Variants in AKAP7 observed in about 807,000 individuals in gnomAD.
AKAP7 encodes the protein A kinase (PRKA) anchor protein 7.
Under a neutral mutation model 39.5 loss-of-function variants are expected in AKAP7, and 39 were observed. The observed-to-expected ratio is 0.99, with a 90% CI of 0.76 to 1.29. The LOEUF is 1.29. AKAP7 is among the 50% of genes most tolerant of loss of function. AKAP7 has a pLI of 0.00. For synonymous variants in AKAP7, 140 were observed against 139.1 expected (o/e 1.01, Z -0.05); for missense variants, 414 against 407.7 (o/e 1.02, Z -0.13).
intron 7 of AKAP7, 101 bp downstream of exon 7, chr6:131,219,909 CAAT>C (rs1809555043): frequency 3.9e-6 from 3 of 770,876 alleles, no homozygotes; most frequent in African/African-American, 3.7e-5. Flanking sequence ...ACGTTTTTCT[CAAT>C]GATATACTTT....
At chr6:131,166,657 A>G (rs1213799954) in intron 4 of AKAP7, among the ~76,000 whole-genome samples, 1 of 151,942 alleles carries the variant, frequency 6.6e-6, no homozygotes, top group Non-Finnish European at 1.5e-5. Flanking sequence ...GTTTGGGTCC[A>G]CCCCTATTCT....
At chr6:131,275,827 C>T (rs927811813) in intron 7 of AKAP7, among the ~76,000 whole-genome samples, 6 of 152,176 alleles carry the variant, frequency 3.9e-5, no homozygotes, top group African/African-American at 1.2e-4. Flanking sequence ...ATTCCAAATG[C>T]GCCAGCACTT....
At chr6:131,158,250 A>AGGGATTC (rs1425203299) in intron 2 of AKAP7, among the ~76,000 whole-genome samples, 2 of 152,228 alleles carry the variant, frequency 1.3e-5, no homozygotes, top group Non-Finnish European at 2.9e-5. Flanking sequence ...GTGTAAAATA[A>AGGGATTC]GGGATTCAGT....
At chr6:131,160,531 G>A (rs551543707) in intron 3 of AKAP7, among the ~76,000 whole-genome samples, 2 of 152,214 alleles carry the variant, frequency 1.3e-5, no homozygotes, top group South Asian at 2.1e-4. Flanking sequence ...ATATTTAAAC[G>A]GTAATTTTGC....
intron 6 of AKAP7, among the ~76,000 whole-genome samples, chr6:131,208,261 C>A (rs1168032260): frequency 6.6e-6 from 1 of 152,032 alleles, no homozygotes; most frequent in South Asian, 2.1e-4. Flanking sequence ...TGAAAAAAAA[C>A]AAGTTTACAA....
In AKAP7 at chr6:131,184,315, G is replaced by GA. The variant is rs1050640724; in HGVS notation, c.589+15042_589+15043insA. 9 of 616,956 alleles carry GA rather than the reference G, an allele frequency of 1.5e-5. No homozygotes were observed. In the African/African-American group the frequency reaches 1.5e-4, roughly 10 times the overall value. 38.2% of individuals were successfully genotyped at this position (616,956 alleles called of 1,614,324 possible). A position where few individuals can be genotyped will look rare whatever the true frequency, so the allele number is the denominator to read the frequency against. ...CCTTAGATATGTCGGGGAGCAGGGG[G>GA]GTGGCTATATCAAGAGGAGTTCTTG... On this transcript the variant is annotated intron_variant, in intron 5 of 7. Transcript: ENST00000431975.
chr6:131,192,552 T>C (rs2128274065), intron 5 of AKAP7, among the ~76,000 whole-genome samples: 1 of 152,242 alleles, frequency 6.6e-6, no homozygotes, highest in South Asian at 2.1e-4. Context: ...CTCAGGATAA[T>C]TTTGGCTGTT....
intron 2 of AKAP7, among the ~76,000 whole-genome samples, chr6:131,149,615 A>T (rs147523362): frequency 0.049 from 7,538 of 152,334 alleles, 281 homozygotes; most frequent in Non-Finnish European, 0.074. Context: ...AGCCTGGGCA[A>T]CACAGCCAGA....
chr6:131,245,077 C>A (rs985639107), intron 7 of AKAP7, among the ~76,000 whole-genome samples: 1 of 152,192 alleles, frequency 6.6e-6, no homozygotes, highest in African/African-American at 2.4e-5. Context: ...CAGGACTTAA[C>A]CAGTGAGATT....
chr6:131,190,146 T>C (rs985387569), intron 5 of AKAP7, among the ~76,000 whole-genome samples: 11 of 152,202 alleles, frequency 7.2e-5, no homozygotes, highest in African/African-American at 2.7e-4. Flanking sequence ...GAAGTACTTT[T>C]CAAAAAGAAG....
chr6:131,183,583 GAA>G (rs999811598), intron 5 of AKAP7, among the ~76,000 whole-genome samples: 5 of 152,256 alleles, frequency 3.3e-5, no homozygotes, highest in African/African-American at 1.2e-4. Context: ...AAATGAATAA[GAA>G]GAGAGGTAGA....
At chr6:131,216,733 C>T (rs1809215834) in intron 6 of AKAP7, among the ~76,000 whole-genome samples, 1 of 152,142 alleles carries the variant, frequency 6.6e-6, no homozygotes, top group Non-Finnish European at 1.5e-5. Flanking sequence ...CTCCTATTTT[C>T]TCTTCTAATG....
chr6:131,183,440 A>T (rs1176533715), intron 5 of AKAP7, among the ~76,000 whole-genome samples: 2 of 152,220 alleles, frequency 1.3e-5, no homozygotes, highest in Admixed American at 1.3e-4. Flanking sequence ...GCCCAGGTCC[A>T]GGAAGAACAA....
chr6:131,264,099 T>A (rs1383350946), intron 7 of AKAP7, among the ~76,000 whole-genome samples: 1 of 152,166 alleles, frequency 6.6e-6, no homozygotes, highest in Non-Finnish European at 1.5e-5. Context: ...TCCAGTCTTT[T>A]GGGGATTTAA....
At chr6:131,227,226 C>T (rs367828614) in intron 7 of AKAP7, among the ~76,000 whole-genome samples, 1 of 152,102 alleles carries the variant, frequency 6.6e-6, no homozygotes, top group Non-Finnish European at 1.5e-5. Context: ...TGGCAAAGAC[C>T]ACAATTACTT....
intron 6 of AKAP7, among the ~76,000 whole-genome samples, chr6:131,202,124 G>C (rs1807628723): frequency 6.6e-6 from 1 of 151,254 alleles, no homozygotes; most frequent in African/African-American, 2.4e-5. Context: ...GTGCTGGAGA[G>C]GATGTGGAGA....
chr6:131,239,935 T>C, intron 7 of AKAP7, among the ~76,000 whole-genome samples: 1 of 152,198 alleles, frequency 6.6e-6, no homozygotes, highest in African/African-American at 2.4e-5. Context: ...TCCAGCTTTG[T>C]TCCGTTGCTG....
chr6:131,222,458 C>T (rs907181732), intron 7 of AKAP7, among the ~76,000 whole-genome samples: 1 of 149,590 alleles, frequency 6.7e-6, no homozygotes, highest in Non-Finnish European at 1.5e-5. Flanking sequence ...ATCCAGGAGG[C>T]GGAGCTTGCA....
chr6:131,127,132 G>A, the AKAP7 span, among the ~76,000 whole-genome samples: 1 of 151,794 alleles, frequency 6.6e-6, no homozygotes, highest in Non-Finnish European at 1.5e-5. Context: ...TGTAACCTCT[G>A]CCTCCTGGAT....
Sources: allele counts gnomAD v4.1 joint callset (sites outside exome capture counted in the v4.1 genomes callset), GRCh38; gene constraint gnomAD v4.1.1; transcripts MANE v1.5; gene names NCBI Gene and HGNC (gene_info 2026-07-23, HGNC 2026-07-21).